Variants in CUL5 observed in about 807,000 individuals in gnomAD.
CUL5 encodes the protein cullin-5.
Under a neutral mutation model 108.8 loss-of-function variants are expected in CUL5, and 26 were observed. The observed-to-expected ratio is 0.24, with a 90% CI of 0.18 to 0.33. The LOEUF is 0.33. Among genes scored for constraint, CUL5 ranks in the 10% least tolerant of loss-of-function variants. The pLI is 1.00. For missense variants in CUL5, 524 were observed against 909.2 expected (o/e 0.58, Z 5.45); for synonymous variants, 334 against 298.0 (o/e 1.12, Z -1.25).
intron 8 of CUL5, among the ~76,000 whole-genome samples, chr11:108,071,673 A>G (rs945812870): frequency 6.6e-6 from 1 of 152,002 alleles, no homozygotes; most frequent in African/African-American, 2.4e-5. Flanking sequence ...CAGCCTCCCA[A>G]GTATCTGGGA....
intron 1 of CUL5, among the ~76,000 whole-genome samples, chr11:108,029,863 T>G (rs1862535891): frequency 6.6e-6 from 1 of 152,232 alleles, no homozygotes; most frequent in Non-Finnish European, 1.5e-5. Context: ...CTGTCTACTC[T>G]GGTACTCTGC....
chr11:108,029,706 A>T (rs1394543234), intron 1 of CUL5, among the ~76,000 whole-genome samples: 1 of 152,228 alleles, frequency 6.6e-6, no homozygotes, highest in Non-Finnish European at 1.5e-5. Context: ...ACAATTAATT[A>T]TTAAATTCCT....
intron 1 of CUL5, among the ~76,000 whole-genome samples, chr11:108,020,600 T>C (rs1278741037): frequency 6.6e-6 from 1 of 152,036 alleles, no homozygotes; most frequent in Admixed American, 6.6e-5. Flanking sequence ...CAGGCTGGTC[T>C]CAAACTCCTG....
chr11:108,101,954 G>C (rs756937686), intron 18 of CUL5, among the ~76,000 whole-genome samples: 7 of 152,166 alleles, frequency 4.6e-5, no homozygotes, highest in Non-Finnish European at 1.0e-4. Flanking sequence ...CCTGGTATCT[G>C]AATACCATCA....
rs73555370 is a variant in CUL5, at chr11:108,018,311, A to G, written c.24+8939A>G. On this transcript the variant is annotated intron_variant, in intron 1 of 18. Transcript: ENST00000393094. The stretch of plus-strand genomic sequence containing the variant: ...AAGAATTACTGGTATTCAAATATAT[A>G]CAATCAGCCCTCAGTATTCATGAGT... 9.9e-3 allele frequency among the ~76,000 whole-genome samples: 1,508 copies of G among 152,334 alleles called. 25 individuals are homozygous for G. The highest frequency in any genetic ancestry group is 0.034 in the African/African-American group (1,428 of 41,566).
intron 3 of CUL5, among the ~76,000 whole-genome samples, 182 bp from the exon 4 acceptor site, chr11:108,049,708 A>T (rs537314234): frequency 5.1e-4 from 78 of 152,242 alleles, no homozygotes; most frequent in African/African-American, 1.8e-3. Flanking sequence ...ATCTATTTTG[A>T]ATAATGCTGC....
intron 1 of CUL5, among the ~76,000 whole-genome samples, chr11:108,028,140 A>G (rs1862495327): frequency 6.6e-6 from 1 of 152,226 alleles, no homozygotes; most frequent in Non-Finnish European, 1.5e-5. Context: ...TTTAAATTCT[A>G]GATTTCCATA....
intron 1 of CUL5, among the ~76,000 whole-genome samples, chr11:108,021,191 G>A (rs1249328391): frequency 1.3e-5 from 2 of 152,140 alleles, no homozygotes; most frequent in African/African-American, 2.4e-5. Flanking sequence ...ATTGCTTAAC[G>A]ATGCATTTCT....
chr11:108,029,020 A>G (rs1862515569), intron 1 of CUL5, among the ~76,000 whole-genome samples: 1 of 152,082 alleles, frequency 6.6e-6, no homozygotes, highest in African/African-American at 2.4e-5. Flanking sequence ...ACTTTGCTCT[A>G]CCTTGAATAC....
intron 1 of CUL5, among the ~76,000 whole-genome samples, chr11:108,023,554 A>T (rs552991242): frequency 7.2e-5 from 11 of 151,784 alleles, no homozygotes; most frequent in Admixed American, 4.0e-4. Flanking sequence ...GAAAAAAAAC[A>T]AAGAATATAT....
intron 7 of CUL5, among the ~76,000 whole-genome samples, chr11:108,063,677 G>A (rs1291806080): frequency 7.8e-6 from 1 of 127,646 alleles, no homozygotes; most frequent in African/African-American, 2.9e-5. Context: ...AATAAATAGT[G>A]CTGCAGTAAA....
chr11:108,085,527 A>G (rs1189294348), intron 11 of CUL5, among the ~76,000 whole-genome samples: 1 of 152,232 alleles, frequency 6.6e-6, no homozygotes, highest in Non-Finnish European at 1.5e-5. Context: ...CAGCATTGTG[A>G]ATGTACTTAA....
chr11:108,071,507 C>A (rs1391996595), intron 8 of CUL5, among the ~76,000 whole-genome samples: 1 of 152,062 alleles, frequency 6.6e-6, no homozygotes, highest in Non-Finnish European at 1.5e-5. Flanking sequence ...AAATGACTGA[C>A]CTTTTAAAGA....
chr11:108,099,530 A>G (rs1591337003), intron 18 of CUL5, among the ~76,000 whole-genome samples: 1 of 152,278 alleles, frequency 6.6e-6, no homozygotes, highest in South Asian at 2.1e-4. Context: ...TTACTGGGAG[A>G]TTCAGAAGGA....
At chr11:108,085,276 T>C (rs1284532799) in intron 11 of CUL5, among the ~76,000 whole-genome samples, 4 of 152,200 alleles carry the variant, frequency 2.6e-5, no homozygotes, top group Non-Finnish European at 5.9e-5. Flanking sequence ...TGCTATATGC[T>C]ACAAGGTAGA....
intron 5 of CUL5, among the ~76,000 whole-genome samples, 167 bp downstream of exon 5, chr11:108,052,968 T>C (rs988781972): frequency 5.3e-5 from 8 of 152,224 alleles, no homozygotes; most frequent in African/African-American, 1.9e-4. Flanking sequence ...CTTAAAAGAA[T>C]GTATAAAAAT....
intron 2 of CUL5, among the ~76,000 whole-genome samples, chr11:108,044,545 T>C (rs1863020270): frequency 6.6e-6 from 1 of 152,092 alleles, no homozygotes; most frequent in East Asian, 1.9e-4. Flanking sequence ...AATTTGATTA[T>C]TGACATGTTG....
In CUL5 at chr11:108,104,662, T is replaced by G; in HGVS notation, c.*278T>G. 1 of 228,404 alleles carries G rather than the reference T, an allele frequency of 4.4e-6. No homozygotes were observed. The allele number at this position is 228,404 out of a possible 1,614,324, so 14.1% of individuals were successfully genotyped here. On this transcript the variant is annotated 3_prime_UTR_variant, in exon 19 of 19. Coordinates refer to ENST00000393094, the MANE Select transcript of CUL5 (RefSeq NM_003478.6). Reference sequence around the variant, plus strand: ...AACTTTTAAAAGTGAATTTGATTTGTACCCACCAGGAGAAATACAGTTGGG... The same window carrying G: ...AACTTTTAAAAGTGAATTTGATTTGGACCCACCAGGAGAAATACAGTTGGG...
chr11:108,054,768 T>C lies in CUL5; in HGVS notation c.675T>C (p.Asn225=), dbSNP rs549904533. 25 of 1,610,956 alleles carry C rather than the reference T, an allele frequency of 1.6e-5. No individual in the cohort carries two copies. The highest frequency in any genetic ancestry group is 7.7e-5 in the South Asian group (7 of 90,428). Residue 225 remains asparagine (N), a synonymous_variant, in exon 6 of 19, where the codon AAT becomes AAC. Transcript: ENST00000393094. Reference sequence around the variant, plus strand: ...AAGCACCCTCGTATTTACAACAAAATGGTGTACAGAATTATATGAAATATG... The same window carrying C: ...AAGCACCCTCGTATTTACAACAAAACGGTGTACAGAATTATATGAAATATG... ...RTQAPSYLQQ[N]GVQNYMKYAD... is the part of the protein sequence containing the mutation.
Sources: allele counts gnomAD v4.1 joint callset (sites outside exome capture counted in the v4.1 genomes callset), GRCh38; gene constraint gnomAD v4.1.1; transcripts MANE v1.5; gene names NCBI Gene and HGNC (gene_info 2026-07-23, HGNC 2026-07-21).